CDC42BPB: variants seen among roughly 807,000 people sequenced by gnomAD.
CDC42BPB encodes serine/threonine-protein kinase MRCK beta.
CDC42BPB carries 37 observed loss-of-function variants against 214.9 expected under a neutral mutation model. That is an observed-to-expected ratio of 0.17 (90% confidence interval 0.13 to 0.23). CDC42BPB has a LOEUF of 0.23. Ranked by LOEUF, CDC42BPB falls within the 10% of genes least tolerant of loss-of-function variation. The pLI, the probability that CDC42BPB is intolerant of heterozygous loss-of-function variation, is 1.00. For missense variants in CDC42BPB, 1,694 were observed against 2,227.0 expected (o/e 0.76, Z 4.82); for synonymous variants, 931 against 884.0 (o/e 1.05, Z -0.94).
intron 23 of CDC42BPB, among the ~76,000 whole-genome samples, chr14:102,953,634 C>A (rs1273209889): frequency 1.1e-4 from 16 of 152,194 alleles, no homozygotes; most frequent in Non-Finnish European, 1.5e-5. Context: ...ACTTTCTGAT[C>A]TGCGTTGATG....
At chr14:102,988,254 C>A (rs1239644939) in intron 5 of CDC42BPB, among the ~76,000 whole-genome samples, 1 of 150,536 alleles carries the variant, frequency 6.6e-6, no homozygotes, top group Non-Finnish European at 1.5e-5. Context: ...GGGAGACAGG[C>A]AAAGAAGGCC....
At chr14:102,950,721 T>C in intron 24 of CDC42BPB, 119 bp from the exon 25 acceptor site, 1 of 1,373,058 alleles carries the variant, frequency 7.3e-7, no homozygotes, top group Non-Finnish European at 9.4e-7. Flanking sequence ...ATCCCAGCAC[T>C]TTCGGAGGCC....
Position 102,934,528 on chromosome 14 carries a change from C to T in CDC42BPB, c.5005-685G>A, listed in dbSNP as rs577283595. On this transcript the variant is annotated intron_variant, in intron 36 of 36. Transcript: ENST00000361246. ...CAGCCTGGGCGACAGAGCGAGACTCCGTCACAAAACAAAACAAAACAAAAA... is the reference window on the plus strand; with the variant it reads ...CAGCCTGGGCGACAGAGCGAGACTCTGTCACAAAACAAAACAAAACAAAAA... 1.6e-3 allele frequency among the ~76,000 whole-genome samples: 246 copies of T among 151,398 alleles called. 1 individual carries two copies. The highest frequency in any genetic ancestry group is 3.0e-3 in the Non-Finnish European group (204 of 67,822).
At chr14:103,006,015 CAAAAA>C (rs1172933917) in intron 3 of CDC42BPB, among the ~76,000 whole-genome samples, 1 of 58,134 alleles carries the variant, frequency 1.7e-5, no homozygotes. Flanking sequence ...AGAGACGTCT[CAAAAA>C]AAAAAAAAAA....
At chr14:103,003,509 C>G (rs557935358) in intron 4 of CDC42BPB, among the ~76,000 whole-genome samples, 4 of 152,232 alleles carry the variant, frequency 2.6e-5, no homozygotes, top group Admixed American at 6.5e-5. Context: ...GGCACCCCCC[C>G]CACCGCGGGA....
At chr14:102,970,004 C>CTTGTGTG (rs1479897200) in intron 14 of CDC42BPB, 147 bp downstream of exon 14, 2 of 576,992 alleles carry the variant, frequency 3.5e-6, no homozygotes, top group Non-Finnish European at 6.0e-6. Flanking sequence ...TCACACCCCC[C>CTTGTGTG]ACCTCTCCAC....
At chr14:103,024,865 C>A (rs1325025025) in intron 1 of CDC42BPB, among the ~76,000 whole-genome samples, 1 of 152,190 alleles carries the variant, frequency 6.6e-6, no homozygotes, top group Admixed American at 6.5e-5. Flanking sequence ...AGGCGTGAGC[C>A]ACTGGGTCCA....
chr14:103,011,441 T>G (rs1886155094), intron 2 of CDC42BPB, among the ~76,000 whole-genome samples: 1 of 152,098 alleles, frequency 6.6e-6, no homozygotes, highest in Admixed American at 6.5e-5. Flanking sequence ...TTTTAGAAAC[T>G]ACGTCAGAAG....
At chr14:102,948,135 A>G in intron 26 of CDC42BPB, among the ~76,000 whole-genome samples, 1 of 65,120 alleles carries the variant, frequency 1.5e-5, no homozygotes, top group Non-Finnish European at 2.9e-5. Flanking sequence ...GCAGAGGACA[A>G]GTGGGGTGAG....
intron 12 of CDC42BPB, 93 bp downstream of exon 12, chr14:102,973,923 T>G: frequency 2.1e-6 from 3 of 1,426,376 alleles, no homozygotes; most frequent in East Asian, 2.4e-5. Context: ...TGGGCAGGAG[T>G]CCCAAGAGGT....
chr14:103,046,608 T>TG (rs1888301967), intron 1 of CDC42BPB, among the ~76,000 whole-genome samples: 1 of 152,174 alleles, frequency 6.6e-6, no homozygotes, highest in South Asian at 2.1e-4. Flanking sequence ...TAAAACGCAC[T>TG]GCCTTCATGA....
intron 1 of CDC42BPB, among the ~76,000 whole-genome samples, chr14:103,053,586 C>A (rs986193754): frequency 6.6e-6 from 1 of 150,932 alleles, no homozygotes; most frequent in Non-Finnish European, 1.5e-5. Flanking sequence ...ACGGTGAAAC[C>A]CCGTCTCTAC....
intron 12 of CDC42BPB, among the ~76,000 whole-genome samples, chr14:102,973,172 T>C (rs568190186): frequency 6.6e-6 from 1 of 152,254 alleles, no homozygotes; most frequent in East Asian, 1.9e-4. Context: ...CAGGCCTCTC[T>C]GGGCCCGCTG....
chr14:103,053,578 G>A (rs34027659), intron 1 of CDC42BPB, among the ~76,000 whole-genome samples: 3,165 of 151,422 alleles, frequency 0.021, 42 homozygotes, highest in Non-Finnish European at 0.03. Context: ...TGGCTAACAC[G>A]GTGAAACCCC....
At chr14:102,975,578 AGC>A in intron 11 of CDC42BPB, 104 bp downstream of exon 11, 1 of 1,210,318 alleles carries the variant, frequency 8.3e-7, no homozygotes, top group Non-Finnish European at 1.2e-6. Context: ...CTAAAGCCTA[AGC>A]TTTTTTTCTG....
intron 23 of CDC42BPB, 86 bp downstream of exon 23, chr14:102,954,112 A>C: frequency 1.1e-6 from 1 of 944,088 alleles, no homozygotes; most frequent in Non-Finnish European, 1.7e-6. Context: ...TGTTTTATTT[A>C]TACAAAACTT....
intron 28 of CDC42BPB, among the ~76,000 whole-genome samples, chr14:102,946,149 C>T (rs1892159055): frequency 6.6e-6 from 1 of 152,128 alleles, no homozygotes; most frequent in Non-Finnish European, 1.5e-5. Context: ...GCTGGGACTA[C>T]AGGTGCCCGC....
chr14:102,989,915 T>C (rs750802219), intron 5 of CDC42BPB, among the ~76,000 whole-genome samples: 1 of 150,572 alleles, frequency 6.6e-6, no homozygotes, highest in Non-Finnish European at 1.5e-5. Flanking sequence ...TATGGAATGA[T>C]TTACAGGATA....
chr14:103,021,102 A>C (rs546614783), intron 1 of CDC42BPB, among the ~76,000 whole-genome samples: 88 of 152,216 alleles, frequency 5.8e-4, no homozygotes, highest in Non-Finnish European at 1.1e-3. Context: ...TAAAAAGAAC[A>C]ACCATTAAAT....
Sources: gnomAD v4.1 joint callset for allele counts (sites outside exome capture counted in the v4.1 genomes callset) on GRCh38, gnomAD v4.1.1 for gene constraint, MANE v1.5 for transcripts, NCBI Gene and HGNC (gene_info 2026-07-23, HGNC 2026-07-21) for gene names.